Variants in EYS observed in about 807,000 individuals in gnomAD.
EYS encodes protein eyes shut homolog.
EYS carries 250 observed loss-of-function variants against 282.1 expected under a neutral mutation model. That is an observed-to-expected ratio of 0.89 (90% CI 0.80 to 0.98). EYS has a LOEUF of 0.98. Among genes scored for constraint, EYS ranks in the 50% least tolerant of loss-of-function variants. The pLI, the probability that EYS is intolerant of heterozygous loss-of-function variation, is 0.00. For synonymous variants in EYS, 1,355 were observed against 1,282.9 expected, an observed-to-expected ratio of 1.06 and a Z score of -1.20; for missense variants, 4,016 against 3,709.0, an observed-to-expected ratio of 1.08 and a Z score of -2.15.
intron 5 of EYS, among the ~76,000 whole-genome samples, chr6:65,412,979 A>T (rs1767083534): frequency 6.6e-6 from 1 of 152,138 alleles, no homozygotes; most frequent in Admixed American, 6.6e-5. Flanking sequence ...TTTGTTGTGC[A>T]CATTTTAAGA....
At chr6:63,953,217 C>G (rs1256415379) in intron 35 of EYS, among the ~76,000 whole-genome samples, 1 of 152,194 alleles carries the variant, frequency 6.6e-6, no homozygotes, top group African/African-American at 2.4e-5. Context: ...TTAGTCCCAG[C>G]AGCTTACCTG....
In EYS at chr6:64,361,084, C is replaced by A. The variant is rs535425331; in HGVS notation, c.6078+27606G>T. Among the ~76,000 whole-genome samples, 3 of 151,726 alleles carry A rather than the reference C, an allele frequency of 2.0e-5. No individual in the cohort carries two copies. The East Asian group carries it at 5.9e-4, about 30-fold the overall frequency. On this transcript the variant is annotated intron_variant, in intron 29 of 42. Coordinates refer to ENST00000503581, the MANE Select transcript of EYS (RefSeq NM_001142800.2). ...CATAATAGTGCACCCAAAAAGTGAC[C>A]CTTCCTGGAAAATTTTGCTCCAAAG...
chr6:64,654,119 T>C (rs1768663083), intron 22 of EYS, among the ~76,000 whole-genome samples: 1 of 152,204 alleles, frequency 6.6e-6, no homozygotes, highest in African/African-American at 2.4e-5. Context: ...ATGTCAGGTT[T>C]TAAATTGAAA....
chr6:64,262,954 C>T (rs1767637326), intron 30 of EYS, among the ~76,000 whole-genome samples: 1 of 151,982 alleles, frequency 6.6e-6, no homozygotes, highest in African/African-American at 2.4e-5. Context: ...TACACTGGTG[C>T]TAAAAGCATG....
In EYS at chr6:64,822,844, A is replaced by G. The variant is rs540446273; in HGVS notation, c.2993-22T>C. On this transcript the variant is annotated intron_variant, in intron 19 of 42. Transcript: ENST00000503581. ...ATGCCTGTGTTGGAACAGACAAGGCAAAACATGAAACCATTTAAATACAAA... is the reference window on the plus strand; with the variant it reads ...ATGCCTGTGTTGGAACAGACAAGGCGAAACATGAAACCATTTAAATACAAA... The G allele has an allele frequency of 4.6e-6, 7 of 1,534,410 alleles. No individual in the cohort carries two copies. The South Asian group carries it at 7.5e-5, about 16-fold the overall frequency.
intron 22 of EYS, among the ~76,000 whole-genome samples, chr6:64,747,439 A>G (rs563668341): frequency 2.0e-5 from 3 of 152,212 alleles, no homozygotes; most frequent in African/African-American, 7.2e-5. Flanking sequence ...CAGTGGAGCA[A>G]TCTCCACTCA....
chr6:64,748,876 A>G (rs1325632998), intron 22 of EYS, among the ~76,000 whole-genome samples: 33 of 152,194 alleles, frequency 2.2e-4, no homozygotes, highest in Admixed American at 2.2e-3. Flanking sequence ...AGGTTCAAGC[A>G]ATTCCCCTGC....
intron 32 of EYS, among the ~76,000 whole-genome samples, 177 bp downstream of exon 32, chr6:64,081,679 A>T (rs980583774): frequency 2.6e-5 from 4 of 152,168 alleles, no homozygotes; most frequent in African/African-American, 9.7e-5. Flanking sequence ...CCATTGAATG[A>T]CTCATAAAGA....
chr6:65,247,183 ACT>A (rs1388191510), intron 12 of EYS, among the ~76,000 whole-genome samples: 1 of 151,830 alleles, frequency 6.6e-6, no homozygotes, highest in Non-Finnish European at 1.5e-5. Flanking sequence ...CTTTCTTATC[ACT>A]CTCTCTTGCT....
At chr6:64,725,531 A>T (rs1009413137) in intron 22 of EYS, among the ~76,000 whole-genome samples, 8 of 152,194 alleles carry the variant, frequency 5.3e-5, no homozygotes, top group African/African-American at 1.9e-4. Flanking sequence ...ATAAGAGTCA[A>T]AATATTCATA....
At chr6:63,890,446 A>C (rs946546866) in intron 35 of EYS, among the ~76,000 whole-genome samples, 3 of 152,242 alleles carry the variant, frequency 2.0e-5, no homozygotes, top group African/African-American at 7.2e-5. Context: ...TAAGAAATTC[A>C]CTCAAAACCA....
chr6:63,931,918 A>T (rs1291403186), intron 35 of EYS, among the ~76,000 whole-genome samples: 4 of 152,148 alleles, frequency 2.6e-5, no homozygotes. Context: ...GTCTCTCTTC[A>T]TCCTCCTCTC....
At chr6:65,432,212 G>A (rs757533885) in intron 5 of EYS, among the ~76,000 whole-genome samples, 17 of 152,064 alleles carry the variant, frequency 1.1e-4, no homozygotes, top group Non-Finnish European at 2.1e-4. Flanking sequence ...TTTATAAATA[G>A]GGTTTTTGGA....
At chr6:65,484,789 G>A (rs1027173325) in intron 5 of EYS, among the ~76,000 whole-genome samples, 1 of 152,178 alleles carries the variant, frequency 6.6e-6, no homozygotes, top group Non-Finnish European at 1.5e-5. Context: ...TAGAGGTTTG[G>A]TCAATTATTG....
chr6:65,366,704 C>T (rs1375358262), intron 8 of EYS, among the ~76,000 whole-genome samples: 1 of 151,584 alleles, frequency 6.6e-6, no homozygotes, highest in African/African-American at 2.4e-5. Flanking sequence ...CATTTATTCT[C>T]TAACATTTCC....
chr6:64,547,094 C>T (rs1293048127), intron 26 of EYS, among the ~76,000 whole-genome samples: 1 of 152,092 alleles, frequency 6.6e-6, no homozygotes, highest in African/African-American at 2.4e-5. Context: ...GTCTTGCTGG[C>T]TCAGGAGTGA....
chr6:63,768,761 CAT>C (rs1474854429), intron 40 of EYS, among the ~76,000 whole-genome samples: 6 of 152,056 alleles, frequency 3.9e-5, no homozygotes, highest in Admixed American at 2.6e-4. Context: ...ATCAAAAAGA[CAT>C]ATGCATTTGT....
chr6:65,137,202 C>T (rs1776045702), intron 12 of EYS, among the ~76,000 whole-genome samples: 1 of 152,074 alleles, frequency 6.6e-6, no homozygotes, highest in Middle Eastern at 3.4e-3. Flanking sequence ...CTATATGGTT[C>T]CAGGAAACCC....
rs552484382 is a variant in EYS, at chr6:64,065,630, G to C, written c.6725+708C>G. 9.9e-5 allele frequency among the ~76,000 whole-genome samples: 15 copies of C among 152,154 alleles called. No individual in the cohort carries two copies. The East Asian group carries it at 2.9e-3, about 29-fold the overall frequency. On this transcript the variant is annotated intron_variant, in intron 33 of 42. Transcript: ENST00000503581. ...CTACTGAGTTTTCTTTTTTTGTGCAGTCAATGGCTCCCACTAACCAATTCC... is the reference window on the plus strand; with the variant it reads ...CTACTGAGTTTTCTTTTTTTGTGCACTCAATGGCTCCCACTAACCAATTCC...
Sources: allele counts gnomAD v4.1 joint callset (sites outside exome capture counted in the v4.1 genomes callset), GRCh38; gene constraint gnomAD v4.1.1; transcripts MANE v1.5; gene names NCBI Gene and HGNC (gene_info 2026-07-23, HGNC 2026-07-21).